Variants in DRC7 observed in about 807,000 individuals in gnomAD.
The protein encoded by DRC7 is dynein regulatory complex subunit 7.
A neutral mutation model predicts 104.4 loss-of-function variants in DRC7; 80 were observed. That is an observed-to-expected ratio of 0.77 (90% CI 0.64 to 0.92). The LOEUF is 0.92. DRC7 is among the 40% of genes least tolerant of loss of function. DRC7 has a pLI of 0.00. For synonymous variants in DRC7, 405 were observed against 447.3 expected (o/e 0.91, Z 1.19); for missense variants, 1,034 against 1,141.1 (o/e 0.91, Z 1.35).
In DRC7 at chr16:57,726,152, C is replaced by A; in HGVS notation, c.1843C>A (p.Arg615Ser). The A allele has an allele frequency of 6.2e-7, 1 of 1,613,150 alleles. No homozygotes were observed. The highest frequency in any genetic ancestry group is 8.5e-7 in the Non-Finnish European group (1 of 1,180,020). ...AERVFLVAEERIQLRYHCRED... is the reference protein window; with the variant it reads ...AERVFLVAEESIQLRYHCRED... Reference sequence around the variant, plus strand: ...GCGCGTGTTTCTGGTCGCGGAGGAGCGCATCCAGCTGCGCTACCACTGCCG... The same window carrying A: ...GCGCGTGTTTCTGGTCGCGGAGGAGAGCATCCAGCTGCGCTACCACTGCCG... The change falls in exon 14 of 19, where the codon CGC (arginine) becomes AGC (serine). Residue 615 changes from arginine (R) to serine (S), a missense_variant. Coordinates refer to ENST00000360716, the MANE Select transcript of DRC7 (RefSeq NM_001289162.2).
At chr16:57,701,846 C>T in intron 5 of DRC7, 90 bp from the exon 6 acceptor site, 1 of 1,198,230 alleles carries the variant, frequency 8.3e-7, no homozygotes, top group South Asian at 1.4e-5. Flanking sequence ...TCCTGGCTCC[C>T]CACCCTGACA....
chr16:57,701,760 T>C (rs2048660682), intron 5 of DRC7, 176 bp from the exon 6 acceptor site: 1 of 585,524 alleles, frequency 1.7e-6, no homozygotes, highest in Non-Finnish European at 3.0e-6. Context: ...TGGTGTCTGG[T>C]TGTCATTCCA....
chr16:57,703,524 G>A (rs1301665809), intron 6 of DRC7, among the ~76,000 whole-genome samples: 4 of 152,188 alleles, frequency 2.6e-5, no homozygotes, highest in African/African-American at 9.7e-5. Context: ...GGTTATACCT[G>A]GGTGAGCACC....
At chr16:57,697,473 TGG>T (rs1216063126) in intron 2 of DRC7, among the ~76,000 whole-genome samples, 1 of 148,610 alleles carries the variant, frequency 6.7e-6, no homozygotes, top group Middle Eastern at 3.5e-3. Flanking sequence ...GAGGCTGAGG[TGG>T]GAGGATTGCT....
rs1397467653 is a variant in DRC7 at position 57,727,560 on chromosome 16, A to G, written c.2196+151A>G. On this transcript the variant is annotated intron_variant, in intron 16 of 18. Transcript: ENST00000360716. ...GGTCATCCTTGCTGCTGAACTGACC[A>G]TTTCTATGGTTCATCCCAAAGAGTA... 9 of 610,722 alleles carry G rather than the reference A, an allele frequency of 1.5e-5. No individual in the cohort carries two copies. In the Admixed American group the frequency reaches 2.0e-4, roughly 13 times the overall value. The allele number at this position is 610,722 out of a possible 1,614,324, so 37.8% of individuals were successfully genotyped here. A position where few individuals can be genotyped will look rare whatever the true frequency, so the allele number is the denominator to read the frequency against.
intron 8 of DRC7, among the ~76,000 whole-genome samples, chr16:57,716,340 T>C (rs2048843387): frequency 6.6e-6 from 1 of 151,784 alleles, no homozygotes; most frequent in Admixed American, 6.6e-5. Flanking sequence ...CTATCTCTAC[T>C]AAAAATACAC....
chr16:57,728,247 C>T, intron 16 of DRC7, 143 bp from the exon 17 acceptor site: 2 of 693,818 alleles, frequency 2.9e-6, no homozygotes, highest in Non-Finnish European at 2.3e-6. Flanking sequence ...CATGTGGGCC[C>T]TTCTAAGGCC....
chr16:57,725,213 A>G (rs1226054674), intron 13 of DRC7, among the ~76,000 whole-genome samples: 1 of 152,076 alleles, frequency 6.6e-6, no homozygotes. Context: ...AGGAGAGAGA[A>G]TAAGTGCTGA....
At chr16:57,711,347 C>T (rs1369483802) in intron 8 of DRC7, among the ~76,000 whole-genome samples, 1 of 152,232 alleles carries the variant, frequency 6.6e-6, no homozygotes, top group Non-Finnish European at 1.5e-5. Flanking sequence ...CTCTTTTGCT[C>T]CTGATCAATC....
chr16:57,715,076 C>T (rs1324980617), intron 8 of DRC7: 1 of 178,128 alleles, frequency 5.6e-6, no homozygotes, highest in Non-Finnish European at 1.2e-5. Flanking sequence ...GAGACAGACT[C>T]TTGCTCTGTC....
At chr16:57,697,887 T>C (rs1421118695) in intron 2 of DRC7, 26 bp from the exon 3 acceptor site, 2 of 1,564,186 alleles carry the variant, frequency 1.3e-6, no homozygotes, top group African/African-American at 2.7e-5. Context: ...CAGTCGGCCA[T>C]GGAGTATACT....
At chr16:57,704,515 C>G (rs1260159827) in intron 6 of DRC7, among the ~76,000 whole-genome samples, 1 of 152,208 alleles carries the variant, frequency 6.6e-6, no homozygotes, top group Non-Finnish European at 1.5e-5. Flanking sequence ...ACTTCTGGAT[C>G]AGACCCAGGT....
chr16:57,722,890 G>A, intron 11 of DRC7, 49 bp downstream of exon 11: 7 of 1,612,538 alleles, frequency 4.3e-6, no homozygotes, highest in Non-Finnish European at 5.9e-6. Flanking sequence ...CAGGGGCGGG[G>A]GCGGCTTCTA....
intron 10 of DRC7, 110 bp downstream of exon 10, chr16:57,721,849 C>T: frequency 6.8e-6 from 5 of 735,258 alleles, no homozygotes; most frequent in Non-Finnish European, 9.2e-6. Flanking sequence ...CCATGCCCCA[C>T]ATTTCCACCC....
At chr16:57,722,563 A>T in intron 10 of DRC7, 150 bp from the exon 11 acceptor site, 1 of 1,054,400 alleles carries the variant, frequency 9.5e-7, no homozygotes, top group Non-Finnish European at 1.4e-6. Context: ...ACCCCTGGTG[A>T]TTATTCTCCT....
chr16:57,723,611 CCAGCTACTCAGGAGACTAAGG>C (rs1241775092), intron 12 of DRC7, among the ~76,000 whole-genome samples: 1 of 151,876 alleles, frequency 6.6e-6, no homozygotes, highest in African/African-American at 2.4e-5. Context: ...GCTTGTAATC[CCAGCTACTCAGGAGACTAAGG>C]CAGGAGAATC....
intron 16 of DRC7, 117 bp from the exon 17 acceptor site, chr16:57,728,273 A>G: frequency 2.1e-6 from 2 of 953,458 alleles, no homozygotes; most frequent in Middle Eastern, 6.7e-4. Flanking sequence ...TGGAGGCGCC[A>G]TGCACTGGAA....
rs146576430 is a variant in DRC7 at position 57,717,836 on chromosome 16, C to T, written c.1078-511C>T. Among the ~76,000 whole-genome samples, 24 of 152,250 alleles carry T rather than the reference C, an allele frequency of 1.6e-4. No individual in the cohort carries two copies. The South Asian group carries it at 3.1e-3, about 20-fold the overall frequency. ...AACTACAGGCATGAGCCACCATGCC[C>T]GGCTCTCCACCTGCATCTTATGTAT... On this transcript the variant is annotated intron_variant, in intron 8 of 18. Transcript: ENST00000360716.
At chr16:57,727,615 C>A (rs1259827534) in intron 16 of DRC7, among the ~76,000 whole-genome samples, 1 of 152,208 alleles carries the variant, frequency 6.6e-6, no homozygotes, top group Non-Finnish European at 1.5e-5. Context: ...TTCCCCCCAT[C>A]CCCAGGGGCT....
Sources: allele counts gnomAD v4.1 joint callset (sites outside exome capture counted in the v4.1 genomes callset), GRCh38; gene constraint gnomAD v4.1.1; transcripts MANE v1.5; gene names NCBI Gene and HGNC (gene_info 2026-07-23, HGNC 2026-07-21).